BCO1: variants seen among roughly 807,000 people sequenced by gnomAD.
BCO1 encodes beta,beta-carotene 15,15'-dioxygenase.
In BCO1, 54 loss-of-function variants were observed where a neutral mutation model predicts 56.3. That is an observed-to-expected ratio of 0.96 (90% confidence interval 0.77 to 1.20). The LOEUF is 1.20. Among genes scored for constraint, BCO1 ranks in the 50% most tolerant of loss-of-function variants. The pLI, the probability that BCO1 is intolerant of heterozygous loss-of-function variation, is 0.00. For missense variants in BCO1, 801 were observed against 690.9 expected, an observed-to-expected ratio of 1.16 and a Z score of -1.79; for synonymous variants, 318 against 266.1, an observed-to-expected ratio of 1.20 and a Z score of -1.90.
intron 8 of BCO1, among the ~76,000 whole-genome samples, chr16:81,282,311 G>A (rs139169745): frequency 1.3e-4 from 20 of 152,232 alleles, no homozygotes; most frequent in African/African-American, 3.1e-4. Flanking sequence ...CTTGAACCCC[G>A]AAGGCAGAGC....
At chr16:81,266,038 G>A (rs1385159455) in intron 5 of BCO1, among the ~76,000 whole-genome samples, 5 of 147,194 alleles carry the variant, frequency 3.4e-5, no homozygotes, top group South Asian at 2.1e-4. Flanking sequence ...CCCACCTATC[G>A]ATTCATCCTT....
chr16:81,250,578 C>CTTTTTTGTTTTTTTT, intron 2 of BCO1, among the ~76,000 whole-genome samples: 1 of 105,478 alleles, frequency 9.5e-6, no homozygotes, highest in African/African-American at 3.8e-5. Context: ...CTCAATAAAG[C>CTTTTTTGTTTTTTTT]TTTTTTTTTT....
intron 7 of BCO1, among the ~76,000 whole-genome samples, chr16:81,273,991 T>G (rs1907397160): frequency 6.6e-6 from 1 of 152,148 alleles, no homozygotes; most frequent in Admixed American, 6.5e-5. Flanking sequence ...TCCCATGAAA[T>G]CAGCACATGA....
chr16:81,267,875 A>G (rs748785299), intron 5 of BCO1, 33 bp from the exon 6 acceptor site: 2 of 1,602,074 alleles, frequency 1.2e-6, no homozygotes, highest in East Asian at 4.5e-5. Flanking sequence ...CAGATCCTGC[A>G]CAATTCCTGA....
At chr16:81,241,358 C>T (rs1905099092) in intron 1 of BCO1, among the ~76,000 whole-genome samples, 1 of 152,074 alleles carries the variant, frequency 6.6e-6, no homozygotes, top group Admixed American at 6.6e-5. Flanking sequence ...TTTTCGTGCC[C>T]TGGAATATTT....
chr16:81,284,284 A>ATATATATT (rs1325145116), intron 8 of BCO1, among the ~76,000 whole-genome samples: 3 of 1,620 alleles, frequency 1.9e-3, no homozygotes, highest in African/African-American at 2.2e-3. Flanking sequence ...TTATATATAA[A>ATATATATT]TATATATTTA....
chr16:81,259,746 T>C lies in BCO1; in HGVS notation c.264T>C (p.Ile88=). The C allele has an allele frequency of 6.2e-7, 1 of 1,614,204 alleles. No homozygotes were observed. The highest frequency in any genetic ancestry group is 2.2e-5 in the East Asian group (1 of 44,878). The change falls in exon 3 of 11, where the codon ATT becomes ATC. Residue 88 remains isoleucine, a synonymous_variant. Coordinates refer to ENST00000258168, the MANE Select transcript of BCO1 (RefSeq NM_017429.3). ...ACACCAATATTGAGGCAAACAGGAT[T>C]GTGGTGTCTGAGTTTGGAACAATGG... ...TYNTNIEANR[I]VVSEFGTMAY...
At chr16:81,260,226 G>T (rs976796991) in intron 3 of BCO1, among the ~76,000 whole-genome samples, 1 of 151,184 alleles carries the variant, frequency 6.6e-6, no homozygotes, top group African/African-American at 2.4e-5. Context: ...AAAACTGTAC[G>T]AGAAAATGCC....
intron 7 of BCO1, among the ~76,000 whole-genome samples, chr16:81,279,111 T>C (rs1202862335): frequency 6.6e-6 from 1 of 151,602 alleles, no homozygotes; most frequent in African/African-American, 2.4e-5. Context: ...ACCCTGTCTC[T>C]ACAAAAAATA....
chr16:81,256,859 G>C (rs1906168173), intron 2 of BCO1, among the ~76,000 whole-genome samples: 1 of 151,968 alleles, frequency 6.6e-6, no homozygotes, highest in South Asian at 2.1e-4. Flanking sequence ...CTGGACTCCA[G>C]CCTGGGCGAC....
intron 2 of BCO1, among the ~76,000 whole-genome samples, chr16:81,249,121 C>T (rs1233335111): frequency 1.4e-5 from 2 of 138,418 alleles, no homozygotes; most frequent in African/African-American, 2.7e-5. Context: ...GATGGAGTCT[C>T]ACTCCGTTAC....
At chr16:81,258,052 C>A (rs757298795) in intron 2 of BCO1, among the ~76,000 whole-genome samples, 1 of 152,016 alleles carries the variant, frequency 6.6e-6, no homozygotes, top group South Asian at 2.1e-4. Context: ...GTCACAGTGA[C>A]GCAGCCATGA....
chr16:81,251,314 T>A (rs1420044886), intron 2 of BCO1, among the ~76,000 whole-genome samples: 1 of 151,178 alleles, frequency 6.6e-6, no homozygotes, highest in Non-Finnish European at 1.5e-5. Flanking sequence ...ATCCCAGCAC[T>A]TTTAGAGGCT....
chr16:81,249,446 C>T (rs937860024), intron 2 of BCO1, among the ~76,000 whole-genome samples: 42 of 152,092 alleles, frequency 2.8e-4, no homozygotes, highest in African/African-American at 8.4e-4. Context: ...TTAGTAGAGA[C>T]GGGGTTTCAC....
intron 6 of BCO1, 68 bp downstream of exon 6, chr16:81,268,199 G>T: frequency 1.4e-6 from 2 of 1,454,024 alleles, no homozygotes. Flanking sequence ...GTGTGCAGGA[G>T]GGTGAAGTTT....
chr16:81,259,731 T>A lies in BCO1; in HGVS notation c.249T>A (p.Ile83=). The change falls in exon 3 of 11, where the codon ATT becomes ATA. Residue 83 remains isoleucine (I), a synonymous_variant. Transcript: ENST00000258168. ...YLRSDTYNTN[I]EANRIVVSEF... ...GAAGCGATACCTACAACACCAATAT[T>A]GAGGCAAACAGGATTGTGGTGTCTG... 6.2e-7 allele frequency: 1 copy of A among 1,614,194 alleles called. No individual in the cohort carries two copies. Among genetic ancestry groups the A allele is most frequent in the Non-Finnish European group, 8.5e-7 (1 of 1,180,024 alleles).
At chr16:81,247,852 T>TA (rs1439134934) in intron 2 of BCO1, among the ~76,000 whole-genome samples, 1 of 151,832 alleles carries the variant, frequency 6.6e-6, no homozygotes, top group African/African-American at 2.4e-5. Context: ...TAATTTATTT[T>TA]AAAAAAATAA....
intron 2 of BCO1, among the ~76,000 whole-genome samples, chr16:81,249,560 C>T (rs2151929066): frequency 6.6e-6 from 1 of 152,122 alleles, no homozygotes; most frequent in Non-Finnish European, 1.5e-5. Context: ...CCGGCCCCGG[C>T]TAGGTTTTTT....
intron 7 of BCO1, among the ~76,000 whole-genome samples, chr16:81,271,502 A>G (rs771213191): frequency 1.3e-5 from 2 of 152,160 alleles, no homozygotes; most frequent in South Asian, 2.1e-4. Flanking sequence ...GAACATTTTC[A>G]TCACCTCCAA....
Sources: gnomAD v4.1 joint callset for allele counts (sites outside exome capture counted in the v4.1 genomes callset) on GRCh38, gnomAD v4.1.1 for gene constraint, MANE v1.5 for transcripts, NCBI Gene and HGNC (gene_info 2026-07-23, HGNC 2026-07-21) for gene names.